The following SLC25A48 variants were observed in gnomAD, a reference collection of about 807,000 sequenced individuals.
The protein encoded by SLC25A48 is CTC-321K16.1.
In SLC25A48, 29 loss-of-function variants were observed where a neutral mutation model predicts 32.2. That is an observed-to-expected ratio of 0.90 (90% CI 0.67 to 1.23). The LOEUF (loss-of-function observed/expected upper bound fraction) is 1.23, where lower values mean the gene tolerates loss of function less well. Among genes scored for constraint, SLC25A48 ranks in the 50% most tolerant of loss-of-function variants. SLC25A48 has a pLI of 0.00. For synonymous variants in SLC25A48, 164 were observed against 172.3 expected, an observed-to-expected ratio of 0.95 and a Z score of 0.38; for missense variants, 399 against 422.7, an observed-to-expected ratio of 0.94 and a Z score of 0.49.
chr5:135,850,868 G>A (rs77656598), intron 3 of SLC25A48, among the ~76,000 whole-genome samples: 4,978 of 152,182 alleles, frequency 0.033, 274 homozygotes, highest in African/African-American at 0.11. Context: ...TGGCCCGGCC[G>A]GAGCCAGATG....
Position 135,595,942 on chromosome 5 carries a change from T to C in SLC25A48, c.-849+16345T>C, listed in dbSNP as rs1751640356. ...CACGATGACTAAATGATCCTCTTGG[T>C]CCTTTTGGGCACCAGCCCTCCCAGA... On this transcript the variant is annotated intron_variant, in intron 1 of 10. Coordinates refer to the SLC25A48 transcript ENST00000646290. Among the ~76,000 whole-genome samples the C allele has an allele frequency of 2.0e-5, 3 of 152,162 alleles. No individual in the cohort carries two copies. The South Asian group carries it at 6.2e-4, about 32-fold the overall frequency.
intron 3 of SLC25A48, among the ~76,000 whole-genome samples, chr5:135,697,020 G>A (rs1173907952): frequency 6.6e-6 from 1 of 152,168 alleles, no homozygotes; most frequent in Non-Finnish European, 1.5e-5. Flanking sequence ...GAATGCCTAA[G>A]TGTTTAAAAA....
intron 3 of SLC25A48, among the ~76,000 whole-genome samples, chr5:135,715,328 G>C (rs1157632256): frequency 6.6e-6 from 1 of 152,232 alleles, no homozygotes; most frequent in African/African-American, 2.4e-5. Flanking sequence ...AGGGGATGAA[G>C]TGAGTGGGGA....
At chr5:135,865,329 A>C (rs1351029681) in intron 4 of SLC25A48, among the ~76,000 whole-genome samples, 1 of 152,162 alleles carries the variant, frequency 6.6e-6, no homozygotes, top group African/African-American at 2.4e-5. Context: ...CCAGCTGGTA[A>C]TATCCTGGGA....
chr5:135,826,861 A>G (rs1758071958), intron 4 of SLC25A48: 2 of 152,208 alleles, frequency 1.3e-5, no homozygotes, highest in Admixed American at 1.3e-4. Flanking sequence ...GGGTCTATGC[A>G]TAGCAAGAAA....
intron 3 of SLC25A48, among the ~76,000 whole-genome samples, chr5:135,777,343 A>C (rs897379021): frequency 6.6e-6 from 1 of 151,798 alleles, no homozygotes; most frequent in African/African-American, 2.4e-5. Context: ...CCAATATCCA[A>C]AAAGAGAGGA....
At chr5:135,807,686 A>G (rs1757494151) in intron 3 of SLC25A48, among the ~76,000 whole-genome samples, 1 of 150,558 alleles carries the variant, frequency 6.6e-6, no homozygotes, top group Admixed American at 6.6e-5. Flanking sequence ...TATTATAAAT[A>G]TGGAAATTTT....
intron 3 of SLC25A48, among the ~76,000 whole-genome samples, chr5:135,763,821 C>T (rs1284058843): frequency 6.6e-6 from 1 of 151,148 alleles, no homozygotes; most frequent in Non-Finnish European, 1.5e-5. Context: ...CCAGAAAGAA[C>T]CTGCTCTGCT....
intron 3 of SLC25A48, among the ~76,000 whole-genome samples, chr5:135,655,622 A>T (rs1217396977): frequency 2.0e-5 from 3 of 152,140 alleles, no homozygotes; most frequent in Non-Finnish European, 4.4e-5. Context: ...GTGGGGACAG[A>T]TTTCTGTGCA....
chr5:135,736,997 C>T (rs1256986898), intron 3 of SLC25A48, among the ~76,000 whole-genome samples: 1 of 152,150 alleles, frequency 6.6e-6, no homozygotes, highest in Non-Finnish European at 1.5e-5. Flanking sequence ...GACCCGAGGT[C>T]GTAGGTGGAT....
intron 7 of SLC25A48, among the ~76,000 whole-genome samples, chr5:135,882,206 G>C (rs1342947615): frequency 6.6e-6 from 1 of 152,248 alleles, no homozygotes; most frequent in African/African-American, 2.4e-5. Flanking sequence ...CTCCTGGTGG[G>C]AGAGGGAGGT....
At chr5:135,615,861 G>A (rs1752173868) in intron 1 of SLC25A48, among the ~76,000 whole-genome samples, 1 of 152,226 alleles carries the variant, frequency 6.6e-6, no homozygotes, top group African/African-American at 2.4e-5. Flanking sequence ...GTGGTTTTAT[G>A]GGCCTGCCAC....
At chr5:135,635,111 G>A (rs776166029) in intron 3 of SLC25A48, among the ~76,000 whole-genome samples, 2 of 152,162 alleles carry the variant, frequency 1.3e-5, no homozygotes, top group Non-Finnish European at 2.9e-5. Flanking sequence ...GCCTCTGAAG[G>A]TGTCCTCTGT....
intron 1 of SLC25A48, among the ~76,000 whole-genome samples, chr5:135,581,622 A>G (rs1414492284): frequency 4.6e-5 from 7 of 152,234 alleles, no homozygotes; most frequent in Admixed American, 4.6e-4. Flanking sequence ...TCACAGGAAA[A>G]AGTAGTTGGC....
chr5:135,580,583 T>C (rs60755191), intron 1 of SLC25A48, among the ~76,000 whole-genome samples: 6,549 of 152,284 alleles, frequency 0.043, 478 homozygotes, highest in African/African-American at 0.15. Flanking sequence ...GTTGTGCCTA[T>C]ACCTAAAGCA....
intron 1 of SLC25A48, among the ~76,000 whole-genome samples, chr5:135,836,358 CT>C (rs10710326): frequency 0.54 from 78,832 of 145,482 alleles, 21,346 homozygotes; most frequent in East Asian, 0.66. Context: ...AATAACATGG[CT>C]TTTTTTTTTT....
chr5:135,766,122 T>A (rs1011534577), intron 3 of SLC25A48, among the ~76,000 whole-genome samples: 1 of 151,866 alleles, frequency 6.6e-6, no homozygotes, highest in East Asian at 1.9e-4. Flanking sequence ...CAGCCCCCTG[T>A]GATATGATTC....
chr5:135,775,837 G>A (rs1244968252), intron 3 of SLC25A48, among the ~76,000 whole-genome samples: 1 of 151,584 alleles, frequency 6.6e-6, no homozygotes, highest in Non-Finnish European at 1.5e-5. Flanking sequence ...ATATCGTGGG[G>A]GTTGTACGCC....
intron 3 of SLC25A48, among the ~76,000 whole-genome samples, chr5:135,726,335 GT>G (rs1416951859): frequency 6.6e-6 from 1 of 152,156 alleles, no homozygotes; most frequent in African/African-American, 2.4e-5. Context: ...TCTTCCAATG[GT>G]AACATCTTGC....
Sources: allele counts gnomAD v4.1 joint callset (sites outside exome capture counted in the v4.1 genomes callset), GRCh38; gene constraint gnomAD v4.1.1; transcripts MANE v1.5; gene names NCBI Gene and HGNC (gene_info 2026-07-23, HGNC 2026-07-21).